The following CNTNAP2 variants were observed in gnomAD, a reference collection of about 807,000 sequenced individuals.
The protein encoded by CNTNAP2 is contactin-associated protein-like 2.
A neutral mutation model predicts 155.2 loss-of-function variants in CNTNAP2; 98 were observed. The ratio of observed to expected loss-of-function variants is 0.63; its 90% confidence interval spans 0.54 to 0.75. The LOEUF is 0.75. Among genes scored for constraint, CNTNAP2 ranks in the 30% least tolerant of loss-of-function variants. The probability of loss-of-function intolerance (pLI) is 0.00; values close to 1 mark genes in which losing one functional copy is unlikely to be tolerated. For synonymous variants in CNTNAP2, 651 were observed against 631.2 expected, an observed-to-expected ratio of 1.03 and a Z score of -0.47; for missense variants, 1,727 against 1,688.1, an observed-to-expected ratio of 1.02 and a Z score of -0.40.
At chr7:148,218,265 T>C (rs148464680) in intron 19 of CNTNAP2, among the ~76,000 whole-genome samples, 95 of 152,374 alleles carry the variant, frequency 6.2e-4, no homozygotes, top group African/African-American at 1.9e-3. Flanking sequence ...AGTATACCAG[T>C]AGGTTGTTAC....
At chr7:147,769,187 C>A (rs1392019208) in intron 13 of CNTNAP2, among the ~76,000 whole-genome samples, 2 of 151,994 alleles carry the variant, frequency 1.3e-5, no homozygotes, top group African/African-American at 4.8e-5. Context: ...GCAAGTAATA[C>A]AATAGAATCA....
At chr7:147,321,497 G>C (rs1795349917) in intron 9 of CNTNAP2, among the ~76,000 whole-genome samples, 1 of 151,910 alleles carries the variant, frequency 6.6e-6, no homozygotes, top group Non-Finnish European at 1.5e-5. Flanking sequence ...CATCATTTTA[G>C]ACTGTCAACA....
chr7:147,755,990 A>G (rs751472616), intron 13 of CNTNAP2, among the ~76,000 whole-genome samples: 2 of 152,202 alleles, frequency 1.3e-5, no homozygotes, highest in Non-Finnish European at 1.5e-5. Flanking sequence ...GTCGCTTCAC[A>G]GTATTTATTT....
intron 15 of CNTNAP2, among the ~76,000 whole-genome samples, chr7:147,984,731 C>A (rs575474161): frequency 6.6e-6 from 1 of 151,700 alleles, no homozygotes; most frequent in Non-Finnish European, 1.5e-5. Context: ...ATTTCTCACC[C>A]CCCAAAGGAG....
chr7:147,168,449 A>T (rs1015999477), intron 8 of CNTNAP2, among the ~76,000 whole-genome samples: 2 of 152,024 alleles, frequency 1.3e-5, no homozygotes, highest in Admixed American at 1.3e-4. Flanking sequence ...CTAATTGCCT[A>T]CTTTTTTCCT....
At chr7:146,338,668 T>C (rs1212387003) in intron 1 of CNTNAP2, among the ~76,000 whole-genome samples, 1 of 152,148 alleles carries the variant, frequency 6.6e-6, no homozygotes, top group Non-Finnish European at 1.5e-5. Flanking sequence ...GAAGCCTTCT[T>C]ATTCCTTAGA....
chr7:146,406,977 C>T (rs1795801035), intron 1 of CNTNAP2, among the ~76,000 whole-genome samples: 2 of 152,148 alleles, frequency 1.3e-5, no homozygotes, highest in South Asian at 4.1e-4. Flanking sequence ...TCATAGATCA[C>T]TTTCTAAGTA....
chr7:146,178,262 C>T (rs1798499126), intron 1 of CNTNAP2, among the ~76,000 whole-genome samples: 2 of 151,976 alleles, frequency 1.3e-5, no homozygotes, highest in African/African-American at 2.4e-5. Flanking sequence ...TTCAATCTAC[C>T]GACCTCGTGA....
chr7:146,461,600 C>T (rs569377127), intron 1 of CNTNAP2, among the ~76,000 whole-genome samples: 1 of 152,176 alleles, frequency 6.6e-6, no homozygotes, highest in African/African-American at 2.4e-5. Flanking sequence ...TGTAGTGGAA[C>T]GTGTCTAGAC....
chr7:147,572,141 C>G lies in CNTNAP2; in HGVS notation c.1897+9884C>G, dbSNP rs763586952. ...AACACAGCCTGTAAAGAACTCTTCTCCGTAACGGATTACCCACTCCCAAAG... is the reference window on the plus strand; with the variant it reads ...AACACAGCCTGTAAAGAACTCTTCTGCGTAACGGATTACCCACTCCCAAAG... On this transcript the variant is annotated intron_variant, in intron 12 of 23. Coordinates refer to ENST00000361727, the MANE Select transcript of CNTNAP2 (RefSeq NM_014141.6). 2.0e-5 allele frequency among the ~76,000 whole-genome samples: 3 copies of G among 152,216 alleles called. 1 individual carries two copies. The highest frequency in any genetic ancestry group is 7.2e-5 in the African/African-American group (3 of 41,466).
chr7:148,303,498 C>T (rs755725307), intron 21 of CNTNAP2, among the ~76,000 whole-genome samples: 3 of 152,158 alleles, frequency 2.0e-5, no homozygotes, highest in Non-Finnish European at 2.9e-5. Flanking sequence ...ATAAGTCCCT[C>T]GGGGCCTATA....
intron 21 of CNTNAP2, among the ~76,000 whole-genome samples, chr7:148,304,425 A>AC (rs1554415191): frequency 2.0e-5 from 3 of 151,730 alleles, no homozygotes; most frequent in Non-Finnish European, 2.9e-5. Context: ...AATTTTCAAG[A>AC]TTTTTTTTTC....
chr7:147,375,793 G>C (rs772016857), intron 9 of CNTNAP2, among the ~76,000 whole-genome samples: 3 of 151,888 alleles, frequency 2.0e-5, no homozygotes, highest in South Asian at 4.1e-4. Flanking sequence ...CTCATATTTC[G>C]TTGACGTTTC....
rs1184154449 is a variant in CNTNAP2 at position 146,437,008 on chromosome 7, G to T, written c.97+320035G>T. Among the ~76,000 whole-genome samples, 4 of 151,472 alleles carry T rather than the reference G, an allele frequency of 2.6e-5. 1 individual carries two copies. Among genetic ancestry groups the T allele is most frequent in the Non-Finnish European group, 5.9e-5 (4 of 68,030 alleles). On this transcript the variant is annotated intron_variant, in intron 1 of 23. Coordinates refer to ENST00000361727, the MANE Select transcript of CNTNAP2 (RefSeq NM_014141.6). ...TGCCGGGCCACAGACTGATGCTGGT[G>T]TATGGCCTGTTAGGAACCGGGCCGC...
rs367716045 is a variant in CNTNAP2 at position 148,060,777 on chromosome 7, C to T, written c.2384-57341C>T. Among the ~76,000 whole-genome samples the T allele has an allele frequency of 4.7e-4, 71 of 152,230 alleles. 1 individual carries two copies. Among genetic ancestry groups the T allele is most frequent in the African/African-American group, 1.6e-3 (66 of 41,534 alleles). Reference sequence around the variant, plus strand: ...ATGCCTTTTTGTTATAGATCCTCAGCGCTGTTGGTTGTATTATGGAATAGT... The same window carrying T: ...ATGCCTTTTTGTTATAGATCCTCAGTGCTGTTGGTTGTATTATGGAATAGT... On this transcript the variant is annotated intron_variant, in intron 15 of 23. Coordinates refer to ENST00000361727, the MANE Select transcript of CNTNAP2 (RefSeq NM_014141.6).
chr7:148,232,851 A>G (rs551881245), intron 20 of CNTNAP2, among the ~76,000 whole-genome samples: 3 of 152,224 alleles, frequency 2.0e-5, no homozygotes, highest in Non-Finnish European at 4.4e-5. Context: ...CATTAAATTA[A>G]TCTGCATTCC....
chr7:146,946,500 TA>T (rs1797177206), intron 3 of CNTNAP2, among the ~76,000 whole-genome samples: 1 of 152,186 alleles, frequency 6.6e-6, no homozygotes, highest in Admixed American at 6.5e-5. Context: ...TATTGAGCTT[TA>T]ATAACATTTT....
chr7:146,157,531 C>A (rs923836895), intron 1 of CNTNAP2, among the ~76,000 whole-genome samples: 1 of 152,160 alleles, frequency 6.6e-6, no homozygotes, highest in African/African-American at 2.4e-5. Context: ...GGGACACTCC[C>A]ACTCTAATAC....
intron 10 of CNTNAP2, among the ~76,000 whole-genome samples, chr7:147,400,166 T>C (rs1457613021): frequency 3.3e-5 from 5 of 152,078 alleles, no homozygotes; most frequent in Non-Finnish European, 7.4e-5. Flanking sequence ...AACACTCCTT[T>C]AGCCACAGTT....
Sources: allele counts gnomAD v4.1 joint callset (sites outside exome capture counted in the v4.1 genomes callset), GRCh38; gene constraint gnomAD v4.1.1; transcripts MANE v1.5; gene names NCBI Gene and HGNC (gene_info 2026-07-23, HGNC 2026-07-21).